TNR: variants seen among roughly 807,000 people sequenced by gnomAD.
TNR encodes the protein tenascin-R.
A neutral mutation model predicts 150.4 loss-of-function variants in TNR; 45 were observed. The observed-to-expected ratio is 0.30, with a 90% CI of 0.24 to 0.38. The LOEUF is 0.38. Ranked by LOEUF, TNR falls within the 10% of genes least tolerant of loss-of-function variation. TNR has a pLI of 1.00. For synonymous variants in TNR, 687 were observed against 678.4 expected (o/e 1.01, Z -0.20); for missense variants, 1,544 against 1,759.1 (o/e 0.88, Z 2.19).
At chr1:175,672,831 T>G (rs1665742105) in intron 1 of TNR, among the ~76,000 whole-genome samples, 1 of 152,186 alleles carries the variant, frequency 6.6e-6, no homozygotes, top group Admixed American at 6.5e-5. Flanking sequence ...CCTTTTCAAT[T>G]CTACAGTACC....
intron 1 of TNR, among the ~76,000 whole-genome samples, chr1:175,558,659 T>C (rs1240316109): frequency 5.3e-5 from 8 of 152,216 alleles, no homozygotes; most frequent in East Asian, 1.9e-4. Flanking sequence ...TTTTACAGGA[T>C]AAAAATTGTA....
At chr1:175,418,642 T>C (rs1053658648) in intron 2 of TNR, among the ~76,000 whole-genome samples, 1 of 151,778 alleles carries the variant, frequency 6.6e-6, no homozygotes, top group Admixed American at 6.6e-5. Context: ...GAGAATTGCT[T>C]GAACCCGGGA....
chr1:175,693,066 A>T (rs1012916649), intron 1 of TNR, among the ~76,000 whole-genome samples: 1 of 152,262 alleles, frequency 6.6e-6, no homozygotes, highest in Non-Finnish European at 1.5e-5. Context: ...GTGACAGGAC[A>T]CAGACAATAA....
intron 2 of TNR, among the ~76,000 whole-genome samples, chr1:175,464,901 G>A (rs1656965686): frequency 6.6e-6 from 1 of 152,196 alleles, no homozygotes; most frequent in African/African-American, 2.4e-5. Context: ...CTGCTAGAGA[G>A]TGGGTATTGC....
chr1:175,723,079 T>C (rs1294891979), intron 1 of TNR, among the ~76,000 whole-genome samples: 4 of 152,220 alleles, frequency 2.6e-5, no homozygotes, highest in African/African-American at 4.8e-5. Flanking sequence ...CATGAGTCAC[T>C]GTGCCCAGCC....
intron 2 of TNR, among the ~76,000 whole-genome samples, chr1:175,468,162 G>A (rs964607259): frequency 5.9e-5 from 9 of 152,216 alleles, no homozygotes; most frequent in Admixed American, 1.3e-4. Context: ...ATTTCCAAGG[G>A]TGGGAACTTG....
intron 2 of TNR, among the ~76,000 whole-genome samples, chr1:175,435,589 A>C (rs1190162810): frequency 6.6e-6 from 1 of 152,194 alleles, no homozygotes; most frequent in East Asian, 1.9e-4. Flanking sequence ...AATTTGGTGA[A>C]TATTCATGGA....
chr1:175,399,972 A>G (rs1343336550), intron 4 of TNR, among the ~76,000 whole-genome samples: 1 of 152,214 alleles, frequency 6.6e-6, no homozygotes, highest in Non-Finnish European at 1.5e-5. Context: ...GCTGACACTG[A>G]TGAATCTCCG....
In TNR at chr1:175,347,361, T is replaced by A. The variant is rs554425695; in HGVS notation, c.3382+7030A>T. Among the ~76,000 whole-genome samples, 4 of 152,318 alleles carry A rather than the reference T, an allele frequency of 2.6e-5. No individual in the cohort carries two copies. In the East Asian group the frequency reaches 7.7e-4, roughly 29 times the overall value. Reference sequence around the variant, plus strand: ...AACACTATTTGTGTTTATTCAAGATTAGCCAATTATATATTTTCTTTATTT... The same window carrying A: ...AACACTATTTGTGTTTATTCAAGATAAGCCAATTATATATTTTCTTTATTT... On this transcript the variant is annotated intron_variant, in intron 18 of 22. Coordinates refer to ENST00000367674, the MANE Select transcript of TNR (RefSeq NM_003285.3).
chr1:175,657,871 A>G lies in TNR; in HGVS notation c.-165+85355T>C, dbSNP rs1031020048. 1.3e-3 allele frequency among the ~76,000 whole-genome samples: 164 copies of G among 125,510 alleles called. 9 individuals are homozygous for G. Among genetic ancestry groups the G allele is most frequent in the African/African-American group, 4.4e-3 (152 of 34,180 alleles). The allele number at this position is 125,510 out of a possible 152,430, so 82.3% of individuals were successfully genotyped here. On this transcript the variant is annotated intron_variant, in intron 1 of 22. Transcript: ENST00000367674. ...GGAACATGTATATATATATATATAT[A>G]TATATATATATATGTAACAAACCTG...
chr1:175,400,903 A>G (rs1653677509), intron 4 of TNR, among the ~76,000 whole-genome samples: 2 of 152,234 alleles, frequency 1.3e-5, no homozygotes, highest in Admixed American at 1.3e-4. Flanking sequence ...AGAGACCTGT[A>G]GCACTTGGTT....
At chr1:175,661,807 C>G (rs549309468) in intron 1 of TNR, among the ~76,000 whole-genome samples, 95 of 136,212 alleles carry the variant, frequency 7.0e-4, no homozygotes, top group African/African-American at 2.7e-3. Flanking sequence ...TCCCCCCACC[C>G]TTTTCTCTTC....
chr1:175,663,840 C>T (rs1457943396), intron 1 of TNR, among the ~76,000 whole-genome samples: 1 of 152,202 alleles, frequency 6.6e-6, no homozygotes, highest in Admixed American at 6.5e-5. Flanking sequence ...CCAAGGGCAT[C>T]ATATCACCCA....
intron 18 of TNR, among the ~76,000 whole-genome samples, chr1:175,346,577 T>A (rs1650795698): frequency 6.6e-6 from 1 of 150,760 alleles, no homozygotes; most frequent in Admixed American, 6.6e-5. Context: ...AAAAATAAAA[T>A]GAAAAAGGGA....
At chr1:175,451,434 T>C (rs937877415) in intron 2 of TNR, among the ~76,000 whole-genome samples, 28 of 150,666 alleles carry the variant, frequency 1.9e-4, no homozygotes, top group Non-Finnish European at 3.4e-4. Flanking sequence ...AGTGTTCTCA[T>C]TGTAAGGCAC....
chr1:175,686,333 A>C (rs1016594963), intron 1 of TNR, among the ~76,000 whole-genome samples: 2 of 152,218 alleles, frequency 1.3e-5, no homozygotes, highest in African/African-American at 4.8e-5. Flanking sequence ...AATAGAAGAC[A>C]AACCACATTC....
At chr1:175,435,831 T>C (rs1160646602) in intron 2 of TNR, among the ~76,000 whole-genome samples, 4 of 152,228 alleles carry the variant, frequency 2.6e-5, no homozygotes, top group Non-Finnish European at 5.9e-5. Flanking sequence ...AGGGCAGTTC[T>C]GGTGGTGACA....
At chr1:175,430,647 A>T (rs1655221793) in intron 2 of TNR, among the ~76,000 whole-genome samples, 1 of 152,150 alleles carries the variant, frequency 6.6e-6, no homozygotes, top group Non-Finnish European at 1.5e-5. Context: ...GGTCTCCTAA[A>T]TCCTGGTTCC....
chr1:175,606,477 C>T (rs537871304), intron 1 of TNR, among the ~76,000 whole-genome samples: 69 of 152,282 alleles, frequency 4.5e-4, no homozygotes, highest in South Asian at 1.7e-3. Flanking sequence ...GATCCTGACA[C>T]TCTAAATTTG....
Sources: allele counts gnomAD v4.1 joint callset (sites outside exome capture counted in the v4.1 genomes callset), GRCh38; gene constraint gnomAD v4.1.1; transcripts MANE v1.5; gene names NCBI Gene and HGNC (gene_info 2026-07-23, HGNC 2026-07-21).